ASTN2: variants seen among roughly 807,000 people sequenced by gnomAD.
ASTN2 encodes astrotactin-2.
In ASTN2, 54 loss-of-function variants were observed where a neutral mutation model predicts 139.8. The ratio of observed to expected loss-of-function variants is 0.39; its 90% CI spans 0.31 to 0.48. ASTN2 has a LOEUF of 0.48. ASTN2 is among the 20% of genes least tolerant of loss of function. The pLI is 0.95. For synonymous variants in ASTN2, 756 were observed against 719.5 expected, an observed-to-expected ratio of 1.05 and a Z score of -0.81; for missense variants, 1,565 against 1,725.1, an observed-to-expected ratio of 0.91 and a Z score of 1.64.
intron 20 of ASTN2, among the ~76,000 whole-genome samples, chr9:116,454,934 T>G (rs1848282893): frequency 6.6e-6 from 1 of 151,808 alleles, no homozygotes; most frequent in Non-Finnish European, 1.5e-5. Flanking sequence ...ATATACCTAA[T>G]GCAAATGAAA....
At chr9:116,539,290 C>A (rs1851778049) in intron 19 of ASTN2, among the ~76,000 whole-genome samples, 1 of 151,338 alleles carries the variant, frequency 6.6e-6, no homozygotes, top group South Asian at 2.1e-4. Flanking sequence ...ACAACTCTGT[C>A]AATGTGCTAT....
At chr9:117,025,150 A>G (rs1014762498) in intron 6 of ASTN2, among the ~76,000 whole-genome samples, 1 of 152,182 alleles carries the variant, frequency 6.6e-6, no homozygotes, top group African/African-American at 2.4e-5. Context: ...GCAAAAGGAA[A>G]GAAATGCTGC....
chr9:117,097,098 C>A (rs769123554), intron 4 of ASTN2, among the ~76,000 whole-genome samples: 1 of 152,096 alleles, frequency 6.6e-6, no homozygotes, highest in Non-Finnish European at 1.5e-5. Flanking sequence ...GGGTGCCAGG[C>A]AGGGTAAGCA....
At chr9:116,483,701 A>C (rs1849246352) in intron 20 of ASTN2, among the ~76,000 whole-genome samples, 1 of 152,202 alleles carries the variant, frequency 6.6e-6, no homozygotes, top group South Asian at 2.1e-4. Context: ...AGTGCAAAAC[A>C]GATGTGAGAG....
intron 2 of ASTN2, among the ~76,000 whole-genome samples, chr9:117,243,417 C>T (rs1364604853): frequency 1.1e-4 from 16 of 152,232 alleles, no homozygotes; most frequent in Admixed American, 1.0e-3. Flanking sequence ...TAGGTCTTCT[C>T]ACTGCAAGTA....
chr9:116,551,688 C>A (rs1852354043), intron 19 of ASTN2, among the ~76,000 whole-genome samples: 1 of 152,202 alleles, frequency 6.6e-6, no homozygotes, highest in Admixed American at 6.5e-5. Context: ...ACAACACAAA[C>A]ACACATCACT....
chr9:116,676,286 G>T (rs1323062971), intron 16 of ASTN2, among the ~76,000 whole-genome samples: 1 of 152,168 alleles, frequency 6.6e-6, no homozygotes, highest in Non-Finnish European at 1.5e-5. Context: ...CCCTGCAAGG[G>T]TTTGATTAAT....
intron 19 of ASTN2, among the ~76,000 whole-genome samples, chr9:116,570,643 C>T (rs934044319): frequency 7.9e-5 from 12 of 152,142 alleles, no homozygotes; most frequent in Non-Finnish European, 1.6e-4. Context: ...GTGATCCACC[C>T]GCCTTGGCCT....
intron 2 of ASTN2, among the ~76,000 whole-genome samples, chr9:117,257,220 A>G (rs975038872): frequency 1.3e-5 from 2 of 152,168 alleles, no homozygotes; most frequent in Non-Finnish European, 2.9e-5. Flanking sequence ...TGGATTTACT[A>G]TCTTACTAAT....
At chr9:117,064,874 T>A (rs1460753213) in intron 5 of ASTN2, among the ~76,000 whole-genome samples, 1 of 152,088 alleles carries the variant, frequency 6.6e-6, no homozygotes, top group African/African-American at 2.4e-5. Flanking sequence ...TGCTTTCAAC[T>A]GCTGTTTCTC....
chr9:116,563,021 C>A (rs1031326729), intron 19 of ASTN2, among the ~76,000 whole-genome samples: 2 of 151,974 alleles, frequency 1.3e-5, no homozygotes, highest in Non-Finnish European at 2.9e-5. Flanking sequence ...TAGACCATTG[C>A]AGAGTAATTT....
At chr9:116,645,599 C>T (rs1272944261) in intron 17 of ASTN2, among the ~76,000 whole-genome samples, 1 of 152,102 alleles carries the variant, frequency 6.6e-6, no homozygotes, top group Non-Finnish European at 1.5e-5. Flanking sequence ...CTCTGTTAGT[C>T]CCTAACTGTG....
At chr9:116,497,310 G>A (rs900449318) in intron 19 of ASTN2, among the ~76,000 whole-genome samples, 4 of 152,168 alleles carry the variant, frequency 2.6e-5, no homozygotes, top group African/African-American at 9.7e-5. Context: ...CCTTCTTGAG[G>A]TCTAGGACAA....
At chr9:117,041,059 G>C (rs937958465) in intron 5 of ASTN2, among the ~76,000 whole-genome samples, 2 of 152,108 alleles carry the variant, frequency 1.3e-5, no homozygotes, top group Admixed American at 1.3e-4. Flanking sequence ...AGTACGGGGG[G>C]TGGTTTTGCC....
chr9:116,710,733 C>CAAAAA (rs57745448), intron 16 of ASTN2, among the ~76,000 whole-genome samples: 43 of 72,538 alleles, frequency 5.9e-4, no homozygotes, highest in East Asian at 1.7e-3. Context: ...AACTCCGTCT[C>CAAAAA]AAAAAAAAAA....
chr9:117,282,883 A>G (rs1834357893), intron 2 of ASTN2, among the ~76,000 whole-genome samples: 1 of 135,006 alleles, frequency 7.4e-6, no homozygotes, highest in Non-Finnish European at 1.5e-5. Context: ...TGTTTGCAGA[A>G]TAAACAAGCA....
chr9:116,474,351 T>A (rs184204268), intron 20 of ASTN2, among the ~76,000 whole-genome samples: 1 of 152,296 alleles, frequency 6.6e-6, no homozygotes, highest in Admixed American at 6.5e-5. Context: ...AGGGTTTAGA[T>A]CAGTGGTGTT....
chr9:117,048,689 T>C (rs775346207), intron 5 of ASTN2, among the ~76,000 whole-genome samples: 25 of 152,208 alleles, frequency 1.6e-4, no homozygotes, highest in Non-Finnish European at 3.4e-4. Context: ...TAGCTTTTAT[T>C]AGGTTACAGA....
intron 3 of ASTN2, among the ~76,000 whole-genome samples, chr9:117,156,227 T>C (rs890306025): frequency 2.0e-5 from 3 of 152,094 alleles, no homozygotes; most frequent in African/African-American, 7.2e-5. Context: ...TAGTATCTTT[T>C]GAGTGCTTAC....
Sources: allele counts gnomAD v4.1 joint callset (sites outside exome capture counted in the v4.1 genomes callset), GRCh38; gene constraint gnomAD v4.1.1; transcripts MANE v1.5; gene names NCBI Gene and HGNC (gene_info 2026-07-23, HGNC 2026-07-21).